Variants in TTC6 observed in about 807,000 individuals in gnomAD.
TTC6 encodes tetratricopeptide repeat domain 6.
Under a neutral mutation model 210.4 loss-of-function variants are expected in TTC6, and 172 were observed. The ratio of observed to expected loss-of-function variants is 0.82; its 90% CI spans 0.72 to 0.93. The LOEUF (loss-of-function observed/expected upper bound fraction) is 0.93, where lower values mean the gene tolerates loss of function less well. TTC6 is among the 40% of genes least tolerant of loss of function. The pLI, the probability that TTC6 is intolerant of heterozygous loss-of-function variation, is 0.00. For synonymous variants in TTC6, 804 were observed against 819.6 expected (o/e 0.98, Z 0.32); for missense variants, 2,414 against 2,318.1 (o/e 1.04, Z -0.85).
intron 1 of TTC6, among the ~76,000 whole-genome samples, chr14:37,627,766 G>A (rs896219598): frequency 2.0e-5 from 3 of 151,928 alleles, no homozygotes; most frequent in Non-Finnish European, 2.9e-5. Flanking sequence ...ATAAACATAT[G>A]TGTGCATGTG....
chr14:37,835,653 TGAAG>T (rs2096196067), intron 29 of TTC6, among the ~76,000 whole-genome samples: 1 of 152,266 alleles, frequency 6.6e-6, no homozygotes. Context: ...GAGTGAACGG[TGAAG>T]AAAGAAAGAC....
At chr14:37,762,177 A>C (rs1459082308) in intron 14 of TTC6, among the ~76,000 whole-genome samples, 3 of 152,058 alleles carry the variant, frequency 2.0e-5, no homozygotes, top group Non-Finnish European at 4.4e-5. Flanking sequence ...AAAAGGCTGA[A>C]TAGTATTTAA....
chr14:37,713,784 G>A (rs912486815), intron 5 of TTC6, among the ~76,000 whole-genome samples: 8 of 151,984 alleles, frequency 5.3e-5, no homozygotes, highest in African/African-American at 1.7e-4. Context: ...TGGGATTTGA[G>A]GATTTCAGTA....
chr14:37,678,559 A>C (rs781394304), intron 1 of TTC6, among the ~76,000 whole-genome samples: 2 of 152,028 alleles, frequency 1.3e-5, no homozygotes, highest in Non-Finnish European at 2.9e-5. Flanking sequence ...TCCTCCTCTC[A>C]TCTGATTTCT....
intron 15 of TTC6, among the ~76,000 whole-genome samples, chr14:37,787,875 ATGTGTGTGTGTGTCTG>A: frequency 8.4e-6 from 1 of 119,548 alleles, no homozygotes; most frequent in South Asian, 3.2e-4. Context: ...TATGCCCTTT[ATGTGTGTGTGTGTCTG>A]TGTGTGTGTG....
chr14:37,780,041 A>C (rs1169950055), intron 14 of TTC6, among the ~76,000 whole-genome samples: 2 of 152,224 alleles, frequency 1.3e-5, no homozygotes, highest in Non-Finnish European at 2.9e-5. Context: ...TGCAAAAGCG[A>C]GTCTGTTTGA....
intron 10 of TTC6, among the ~76,000 whole-genome samples, chr14:37,746,004 C>T (rs2095934802): frequency 6.6e-6 from 1 of 152,190 alleles, no homozygotes; most frequent in Non-Finnish European, 1.5e-5. Context: ...AACACCCAAG[C>T]AAGCTGCCCA....
intron 3 of TTC6, among the ~76,000 whole-genome samples, chr14:37,691,696 C>A (rs1203824709): frequency 6.6e-6 from 1 of 151,878 alleles, no homozygotes; most frequent in Non-Finnish European, 1.5e-5. Context: ...AAGGTCAGAG[C>A]AGAAATAAAC....
At chr14:37,734,361 C>A (rs998533729) in intron 7 of TTC6, among the ~76,000 whole-genome samples, 1 of 152,104 alleles carries the variant, frequency 6.6e-6, no homozygotes, top group African/African-American at 2.4e-5. Flanking sequence ...TTTTTTGTCA[C>A]CCTTGCCCCA....
At chr14:37,791,486 C>T (rs2096079245) in intron 16 of TTC6, among the ~76,000 whole-genome samples, 1 of 152,104 alleles carries the variant, frequency 6.6e-6, no homozygotes, top group African/African-American at 2.4e-5. Context: ...TCCTTGCCAA[C>T]CAGCAGACTG....
chr14:37,690,217 C>A (rs1340483236), intron 3 of TTC6, among the ~76,000 whole-genome samples: 1 of 151,828 alleles, frequency 6.6e-6, no homozygotes, highest in African/African-American at 2.4e-5. Flanking sequence ...AAACAAAAAT[C>A]ATTCAACAGA....
exon 15 of TTC6, chr14:37,787,473 A>G (rs1595265735): frequency 7.2e-6 from 11 of 1,519,568 alleles, no homozygotes; most frequent in Admixed American, 2.0e-5. Context: ...CCTAGGACAT[A>G]CCGAGGGATT....
intron 1 of TTC6, among the ~76,000 whole-genome samples, chr14:37,629,223 TC>T (rs1163635285): frequency 6.6e-6 from 1 of 152,208 alleles, no homozygotes; most frequent in African/African-American, 2.4e-5. Flanking sequence ...CGATATTGAT[TC>T]TTCCTATCCA....
At chr14:37,691,622 T>C (rs1441213246) in intron 3 of TTC6, among the ~76,000 whole-genome samples, 1 of 151,996 alleles carries the variant, frequency 6.6e-6, no homozygotes, top group East Asian at 1.9e-4. Flanking sequence ...AATCTAATGA[T>C]GGATCTTAAA....
chr14:37,758,368 A>G (rs1424563381), intron 14 of TTC6, among the ~76,000 whole-genome samples: 1 of 152,098 alleles, frequency 6.6e-6, no homozygotes, highest in Admixed American at 6.6e-5. Flanking sequence ...GTTCTCCTGT[A>G]TTGTATTGGG....
intron 2 of TTC6, among the ~76,000 whole-genome samples, chr14:37,681,047 G>A (rs2095782458): frequency 6.6e-6 from 1 of 152,082 alleles, no homozygotes; most frequent in African/African-American, 2.4e-5. Context: ...GAGATGCTTT[G>A]GGCCCATATA....
rs192607803 is a variant in TTC6 at position 37,682,737 on chromosome 14, C to T, written c.1051-21C>T. On this transcript the variant is annotated intron_variant, in intron 2 of 30. Transcript: ENST00000553443. ...GACCAATAAAAAAAAAGCATTCTTG[C>T]ACATTTACTTTTTCCAACAGAGCGT... is the stretch of plus-strand genomic sequence containing the variant. 1.2e-5 allele frequency: 18 copies of T among 1,530,286 alleles called. No homozygotes were observed. The East Asian group carries it at 2.9e-4, about 25-fold the overall frequency. The allele number at this position is 1,530,286 out of a possible 1,614,324, so 94.8% of individuals were successfully genotyped here.
At chr14:37,653,370 T>A (rs957356554) in intron 1 of TTC6, among the ~76,000 whole-genome samples, 2 of 152,234 alleles carry the variant, frequency 1.3e-5, no homozygotes, top group African/African-American at 4.8e-5. Flanking sequence ...ATTTTCCCCT[T>A]TGTTTTCTCA....
intron 29 of TTC6, among the ~76,000 whole-genome samples, chr14:37,834,286 TTTTC>T (rs150252299): frequency 0.78 from 118,682 of 151,556 alleles, 50,519 homozygotes; most frequent in Non-Finnish European, 0.94. Flanking sequence ...TTCTATGACT[TTTTC>T]TTTTCTTTTG....
Sources: allele counts gnomAD v4.1 joint callset (sites outside exome capture counted in the v4.1 genomes callset), GRCh38; gene constraint gnomAD v4.1.1; transcripts MANE v1.5; gene names NCBI Gene and HGNC (gene_info 2026-07-23, HGNC 2026-07-21).